Variants in TMEM132B observed in about 807,000 individuals in gnomAD.
The protein encoded by TMEM132B is transmembrane protein 132B.
A neutral mutation model predicts 90.8 loss-of-function variants in TMEM132B; 18 were observed. That is an observed-to-expected ratio of 0.20 (90% CI 0.14 to 0.29). The LOEUF (loss-of-function observed/expected upper bound fraction) is 0.29, where lower values mean the gene tolerates loss of function less well. Ranked by LOEUF, TMEM132B falls within the 10% of genes least tolerant of loss-of-function variation. The pLI, the probability that TMEM132B is intolerant of heterozygous loss-of-function variation, is 1.00. For missense variants in TMEM132B, 1,096 were observed against 1,326.8 expected (o/e 0.83, Z 2.70); for synonymous variants, 504 against 523.3 (o/e 0.96, Z 0.50).
chr12:125,301,205 G>A (rs1259624815), intron 1 of TMEM132B: 14 of 152,170 alleles, frequency 9.2e-5, no homozygotes, highest in Admixed American at 7.2e-4. Context: ...GATTATCTCA[G>A]AATCCTCGCA....
intron 2 of TMEM132B, among the ~76,000 whole-genome samples, chr12:125,404,514 A>T (rs1235001798): frequency 1.3e-5 from 2 of 152,196 alleles, no homozygotes; most frequent in Non-Finnish European, 2.9e-5. Flanking sequence ...ACCGTATGGT[A>T]GTTCATTGTT....
At chr12:125,374,946 T>A (rs868646632) in intron 2 of TMEM132B, among the ~76,000 whole-genome samples, 1 of 152,080 alleles carries the variant, frequency 6.6e-6, no homozygotes, top group Non-Finnish European at 1.5e-5. Flanking sequence ...ATCCATAAGA[T>A]CAGATACAAC....
chr12:125,320,345 C>G (rs1322830948), intron 1 of TMEM132B, among the ~76,000 whole-genome samples: 1 of 152,230 alleles, frequency 6.6e-6, no homozygotes, highest in Non-Finnish European at 1.5e-5. Flanking sequence ...CCAAGTGATT[C>G]ATTCTTATCG....
chr12:125,273,866 G>A (rs990777645), intron 1 of TMEM132B, among the ~76,000 whole-genome samples: 6 of 152,166 alleles, frequency 3.9e-5, no homozygotes, highest in African/African-American at 1.4e-4. Context: ...GTTTCACCAT[G>A]TTGGTCAGTC....
intron 3 of TMEM132B, among the ~76,000 whole-genome samples, chr12:125,451,181 A>G (rs1120170): frequency 0.43 from 65,855 of 152,022 alleles, 15,449 homozygotes; most frequent in African/African-American, 0.6. Flanking sequence ...ACTGGAATAT[A>G]AGCAGTTAAT....
intron 1 of TMEM132B, among the ~76,000 whole-genome samples, chr12:125,270,721 G>T (rs1266995414): frequency 7.3e-6 from 1 of 137,704 alleles, no homozygotes; most frequent in Admixed American, 7.8e-5. Context: ...TGCTCTCCAG[G>T]ATGTTGAATC....
At chr12:125,449,628 TC>T (rs1881097034) in intron 3 of TMEM132B, among the ~76,000 whole-genome samples, 1 of 152,138 alleles carries the variant, frequency 6.6e-6, no homozygotes, top group Non-Finnish European at 1.5e-5. Context: ...TGCTCATCTT[TC>T]TCTAGTATCT....
At chr12:125,536,926 G>A (rs1335252014) in intron 4 of TMEM132B, among the ~76,000 whole-genome samples, 1 of 151,560 alleles carries the variant, frequency 6.6e-6, no homozygotes, top group Non-Finnish European at 1.5e-5. Context: ...TAAGAGATAT[G>A]ATATTATCAA....
chr12:125,471,376 T>C (rs1881715433), intron 3 of TMEM132B, among the ~76,000 whole-genome samples: 1 of 152,206 alleles, frequency 6.6e-6, no homozygotes, highest in Non-Finnish European at 1.5e-5. Context: ...TTACCAGAGT[T>C]GTCATTAAAT....
chr12:125,303,740 G>A (rs1428201287), intron 1 of TMEM132B, among the ~76,000 whole-genome samples: 6 of 152,166 alleles, frequency 3.9e-5, no homozygotes, highest in South Asian at 2.1e-4. Flanking sequence ...GAATAATGAC[G>A]TTGAGAATTT....
Position 125,655,322 on chromosome 12 carries a change from A to G in TMEM132B, c.*612A>G, listed in dbSNP as rs1404962056. 3 of 152,198 alleles carry G rather than the reference A, an allele frequency of 2.0e-5. No individual in the cohort carries two copies. The highest frequency in any genetic ancestry group is 4.8e-5 in the African/African-American group (2 of 41,446). 9.4% of individuals were successfully genotyped at this position (152,198 alleles called of 1,614,324 possible). Reference sequence around the variant, plus strand: ...TTTCTTCCCTGGGATTTGCCATGCCATGTTATTTCCTGGGTCTCCATGCAG... The same window carrying G: ...TTTCTTCCCTGGGATTTGCCATGCCGTGTTATTTCCTGGGTCTCCATGCAG... On this transcript the variant is annotated 3_prime_UTR_variant, in exon 9 of 9. Transcript: ENST00000682704.
rs554750334 is a variant in TMEM132B, at chr12:125,200,675, T to C, written c.67+13809T>C. Among the ~76,000 whole-genome samples, 124 of 152,286 alleles carry C rather than the reference T, an allele frequency of 8.1e-4. 2 individuals are homozygous for C. The South Asian group carries it at 0.012, about 14-fold the overall frequency. On this transcript the variant is annotated intron_variant, in intron 1 of 8. Transcript: ENST00000682704. ...ACATTTAAGGAAAGTGAGGGTATGA[T>C]TGCGTGATGGCAGAAGAAAGAACTG... is the stretch of plus-strand genomic sequence containing the variant.
intron 5 of TMEM132B, chr12:125,587,453 G>A (rs1593007506): frequency 6.6e-6 from 1 of 152,090 alleles, no homozygotes; most frequent in Non-Finnish European, 1.5e-5. Flanking sequence ...TTAATTTGTT[G>A]CCCCCATGTA....
chr12:125,261,865 C>T (rs868323008), intron 1 of TMEM132B, among the ~76,000 whole-genome samples: 2 of 152,164 alleles, frequency 1.3e-5, no homozygotes, highest in Non-Finnish European at 2.9e-5. Context: ...GGGTCTCGCT[C>T]TGATGCCCAG....
chr12:125,217,869 G>A (rs781075655), intron 1 of TMEM132B, among the ~76,000 whole-genome samples: 7 of 152,154 alleles, frequency 4.6e-5, no homozygotes, highest in Non-Finnish European at 1.0e-4. Context: ...AAATTTCCAC[G>A]TGTGCAAAAT....
At chr12:125,636,412 A>G (rs73220956) in intron 5 of TMEM132B, among the ~76,000 whole-genome samples, 3,023 of 152,232 alleles carry the variant, frequency 0.02, 48 homozygotes, top group Admixed American at 0.032. Context: ...TGTTTCTTGT[A>G]GCTCTCCTAA....
rs753422221 is a variant in TMEM132B at position 125,350,273 on chromosome 12, C to T, written c.889C>T (p.Arg297Trp). The change falls in exon 2 of 9, where the codon CGG (arginine) becomes TGG (tryptophan). Residue 297 changes from arginine to tryptophan, a missense_variant. By Grantham distance (101) the Arg-to-Trp change is moderately radical. Transcript: ENST00000682704. ...CATCTCGGTACCTCTGAATCTAGTC[C>T]GGGAAGGGGACACGGCCACCTTTTT... ...VVISVPLNLV[R>W]EGDTATFLVS... The T allele has an allele frequency of 7.1e-5, 114 of 1,613,896 alleles. No individual in the cohort carries two copies. Among genetic ancestry groups the T allele is most frequent in the Non-Finnish European group, 8.4e-5 (99 of 1,180,012 alleles).
intron 1 of TMEM132B, among the ~76,000 whole-genome samples, chr12:125,339,858 C>A (rs1342628343): frequency 6.6e-6 from 1 of 152,168 alleles, no homozygotes; most frequent in Non-Finnish European, 1.5e-5. Context: ...AATACAGTCA[C>A]ATTCTGAGGT....
rs373741944 is a variant in TMEM132B, at chr12:125,349,543, G to C, written c.159G>C (p.Glu53Asp). ...LPTNLHISNA[E>D]ESFFLKEANQ... Reference sequence around the variant, plus strand: ...CGAACTTGCACATCTCCAATGCAGAGGAGTCCTTTTTCCTTAAAGAAGCCA... The same window carrying C: ...CGAACTTGCACATCTCCAATGCAGACGAGTCCTTTTTCCTTAAAGAAGCCA... Residue 53 changes from glutamate (E) to aspartate (D), a missense_variant, in exon 2 of 9, where the codon GAG (glutamate) becomes GAC (aspartate). By Grantham distance (45) the Glu-to-Asp change is conservative (BLOSUM62 2). Coordinates refer to ENST00000682704, the MANE Select transcript of TMEM132B (RefSeq NM_001366854.1). The surrounding 1 kb of genome is among the most constrained non-coding windows in gnomAD (Gnocchi z 4.1). 123 of 1,614,176 alleles carry C rather than the reference G, an allele frequency of 7.6e-5. No homozygotes were observed. Among genetic ancestry groups the C allele is most frequent in the Middle Eastern group, 4.9e-4 (3 of 6,062 alleles).
Sources: gnomAD v4.1 joint callset for allele counts (sites outside exome capture counted in the v4.1 genomes callset) on GRCh38, gnomAD v4.1.1 for gene constraint, Gnocchi (gnomAD v3.1) non-coding constraint, MANE v1.5 for transcripts, NCBI Gene and HGNC (gene_info 2026-07-23, HGNC 2026-07-21) for gene names.